SRP68: variants seen among roughly 807,000 people sequenced by gnomAD.
The protein encoded by SRP68 is signal recognition particle 68.
A neutral mutation model predicts 82.2 loss-of-function variants in SRP68; 15 were observed. The observed-to-expected ratio is 0.18, with a 90% CI of 0.12 to 0.28. The LOEUF (loss-of-function observed/expected upper bound fraction) is 0.28. Among genes scored for constraint, SRP68 ranks in the 10% least tolerant of loss-of-function variants. The pLI is 1.00. For missense variants in SRP68, 595 were observed against 780.5 expected (o/e 0.76, Z 2.83); for synonymous variants, 261 against 292.6 (o/e 0.89, Z 1.10).
Position 76,039,433 on chromosome 17 carries a change from C to T in SRP68, c.*273G>A, listed in dbSNP as rs1226249723. ...ACTGACCAAAGGCAATCAATCACAGCTCACAGGGCACCAGACAGCAGCGGC... is the reference window on the plus strand; with the variant it reads ...ACTGACCAAAGGCAATCAATCACAGTTCACAGGGCACCAGACAGCAGCGGC... On this transcript the variant is annotated 3_prime_UTR_variant, in exon 16 of 16. Transcript: ENST00000307877. The T allele has an allele frequency of 9.7e-6, 6 of 617,814 alleles. No individual in the cohort carries two copies. The highest frequency in any genetic ancestry group is 1.8e-5 in the Non-Finnish European group (6 of 331,340). The allele number at this position is 617,814 out of a possible 1,614,324, so 38.3% of individuals were successfully genotyped here. A position where few individuals can be genotyped will look rare whatever the true frequency, so the allele number is the denominator to read the frequency against.
At chr17:76,065,357 G>A (rs1373569845) in intron 3 of SRP68, among the ~76,000 whole-genome samples, 3 of 149,826 alleles carry the variant, frequency 2.0e-5, no homozygotes, top group Non-Finnish European at 3.0e-5. Flanking sequence ...TCAGGAGGGT[G>A]AGACAGGAGT....
At chr17:76,040,071 G>GT in intron 15 of SRP68, 138 bp from the exon 16 acceptor site, 3 of 822,076 alleles carry the variant, frequency 3.6e-6, no homozygotes, top group African/African-American at 1.7e-5. Context: ...AGCCTCCTAC[G>GT]AGGAGGGGCT....
At position 76,047,854 on chromosome 17, in the gene SRP68, G is replaced by A. The variant is rs557642785; in HGVS notation, c.1142+52C>T. 9 of 971,666 alleles carry A rather than the reference G, an allele frequency of 9.3e-6. No individual in the cohort carries two copies. The East Asian group carries it at 2.8e-4, about 30-fold the overall frequency. 60.2% of individuals were successfully genotyped at this position (971,666 alleles called of 1,614,324 possible). On this transcript the variant is annotated intron_variant, in intron 10 of 15. Transcript: ENST00000307877. ...ACATAAATATTACATATACTCTTTTGTTCAAATATTTTAATAATATTAAAA... is the reference window on the plus strand; with the variant it reads ...ACATAAATATTACATATACTCTTTTATTCAAATATTTTAATAATATTAAAA...
chr17:76,058,200 C>A (rs547826548), intron 7 of SRP68, among the ~76,000 whole-genome samples: 1 of 150,896 alleles, frequency 6.6e-6, no homozygotes, highest in South Asian at 2.1e-4. Flanking sequence ...GTTGCCCAGG[C>A]TGGAATGCAA....
At chr17:76,040,606 G>T in intron 14 of SRP68, 132 bp from the exon 15 acceptor site, 1 of 869,694 alleles carries the variant, frequency 1.1e-6, no homozygotes, top group Non-Finnish European at 1.9e-6. Context: ...AGCCAGGCCT[G>T]TCTCCTGCTG....
In SRP68 at chr17:76,045,959, T is replaced by C. The variant is rs1002701133; in HGVS notation, c.1299+79A>G. On this transcript the variant is annotated intron_variant, in intron 11 of 15. Transcript: ENST00000307877. ...CCTGCTTGTCACAGCCCTTCCGTGA[T>C]ACAAAGTTAAGTCACTTTGTGTCCG... is the stretch of plus-strand genomic sequence containing the variant. 3.2e-6 allele frequency: 5 copies of C among 1,560,822 alleles called. No homozygotes were observed. In the East Asian group the frequency reaches 6.8e-5, roughly 21 times the overall value.
chr17:76,050,329 G>A (rs1228908380), intron 9 of SRP68, 99 bp downstream of exon 9: 5 of 811,062 alleles, frequency 6.2e-6, no homozygotes, highest in South Asian at 2.9e-5. Flanking sequence ...GTGGCCAAGC[G>A]AGCAGTGCAC....
chr17:76,060,490 C>A (rs1163696619), intron 6 of SRP68, 100 bp from the exon 7 acceptor site: 4 of 752,606 alleles, frequency 5.3e-6, no homozygotes, highest in African/African-American at 1.7e-5. Context: ...CCTCCACATG[C>A]TACTTCAATG....
rs749755324 is a variant in SRP68 at position 76,070,477 on chromosome 17, G to C, written c.185-33C>G. 5.1e-6 allele frequency: 8 copies of C among 1,571,680 alleles called. No homozygotes were observed. In the East Asian group the frequency reaches 1.3e-4, roughly 26 times the overall value. ...CGAGATTAAGGAAAATCTTACCATAGCAAGAATCCAAACAAATCAAAACCT... is the reference window on the plus strand; with the variant it reads ...CGAGATTAAGGAAAATCTTACCATACCAAGAATCCAAACAAATCAAAACCT... On this transcript the variant is annotated intron_variant, in intron 1 of 15. Transcript: ENST00000307877.
chr17:76,068,217 A>T (rs967359651), intron 2 of SRP68, among the ~76,000 whole-genome samples: 1 of 152,012 alleles, frequency 6.6e-6, no homozygotes, highest in Non-Finnish European at 1.5e-5. Context: ...GCTTAAACTC[A>T]GGAGGTGGGG....
chr17:76,045,138 C>T, intron 12 of SRP68, 154 bp downstream of exon 12: 1 of 620,906 alleles, frequency 1.6e-6, no homozygotes, highest in South Asian at 1.9e-5. Context: ...TTAGAAACTC[C>T]CCTTGAACAT....
rs772399815 is a variant in SRP68, at chr17:76,067,190, T to G, written c.365+27A>C. On this transcript the variant is annotated intron_variant, in intron 3 of 15. Coordinates refer to ENST00000307877, the MANE Select transcript of SRP68 (RefSeq NM_014230.4). The stretch of plus-strand genomic sequence containing the variant: ...AATAAATGTATTAGCAAGAAGTAAT[T>G]TGCAACTAGCATGGAGCAGTCAATA... 2.6e-6 allele frequency: 4 copies of G among 1,526,248 alleles called. No homozygotes were observed. The South Asian group carries it at 4.5e-5, about 17-fold the overall frequency. The allele number at this position is 1,526,248 out of a possible 1,614,324, so 94.5% of individuals were successfully genotyped here.
intron 8 of SRP68, among the ~76,000 whole-genome samples, chr17:76,055,713 C>T (rs942066408): frequency 2.7e-5 from 4 of 150,150 alleles, no homozygotes; most frequent in African/African-American, 7.4e-5. Flanking sequence ...GAGATTGCAC[C>T]GCTGCACTCC....
intron 8 of SRP68, among the ~76,000 whole-genome samples, chr17:76,054,401 A>G: frequency 6.6e-6 from 1 of 152,256 alleles, no homozygotes; most frequent in East Asian, 1.9e-4. Context: ...AGTGAGGTTT[A>G]GGAAAAAAAT....
chr17:76,045,480 A>T, intron 11 of SRP68, 94 bp from the exon 12 acceptor site: 1 of 945,334 alleles, frequency 1.1e-6, no homozygotes, highest in Non-Finnish European at 1.6e-6. Context: ...AGAGTGAGGA[A>T]AAAAAAAAGC....
chr17:76,046,711 G>A (rs1490226334), intron 10 of SRP68, among the ~76,000 whole-genome samples: 1 of 152,136 alleles, frequency 6.6e-6, no homozygotes, highest in African/African-American at 2.4e-5. Flanking sequence ...GGAGGCCGAG[G>A]CGGGCGGATC....
intron 8 of SRP68, among the ~76,000 whole-genome samples, chr17:76,055,373 G>C (rs890355436): frequency 9.9e-5 from 15 of 152,228 alleles, no homozygotes; most frequent in Admixed American, 9.2e-4. Context: ...AGACTCTGGT[G>C]CACCTGTCAC....
Position 76,039,891 on chromosome 17 carries a change from G to C in SRP68, c.1699C>G (p.Leu567Val). The C allele has an allele frequency of 6.2e-7, 1 of 1,614,244 alleles. No homozygotes were observed. Among genetic ancestry groups the C allele is most frequent in the Non-Finnish European group, 8.5e-7 (1 of 1,180,046 alleles). Residue 567 changes from leucine to valine, a missense_variant, in exon 16 of 16, where the codon CTT (leucine) becomes GTT (valine). This residue lies in a region of SRP68 where 495 missense variants were observed against 688.6 expected (regional missense o/e 0.72). Coordinates refer to ENST00000307877, the MANE Select transcript of SRP68 (RefSeq NM_014230.4). ...ACAAGGTTGGCTTGCTTGGTGACAAGGGAAGGGTCCAGGCAGAATGTCTCA... is the reference window on the plus strand; with the variant it reads ...ACAAGGTTGGCTTGCTTGGTGACAACGGAAGGGTCCAGGCAGAATGTCTCA... Reference protein sequence around the residue: ...RFETFCLDPSLVTKQANLVHF... With the variant: ...RFETFCLDPSVVTKQANLVHF...
At chr17:76,044,075 C>G (rs553194928) in intron 12 of SRP68, 117 bp from the exon 13 acceptor site, 1 of 1,180,706 alleles carries the variant, frequency 8.5e-7, no homozygotes, top group African/African-American at 1.6e-5. Flanking sequence ...AACGTGGGAT[C>G]ACCGCATGGG....
Sources: allele counts gnomAD v4.1 joint callset (sites outside exome capture counted in the v4.1 genomes callset), GRCh38; gene constraint gnomAD v4.1.1; regional missense constraint gnomAD v4.1.1; transcripts MANE v1.5; gene names NCBI Gene and HGNC (gene_info 2026-07-23, HGNC 2026-07-21).